TMEM177: variants seen among roughly 807,000 people sequenced by gnomAD.
TMEM177 encodes the protein transmembrane protein 177.
A neutral mutation model predicts 14.2 loss-of-function variants in TMEM177; 4 were observed. That is an observed-to-expected ratio of 0.28 (90% CI 0.14 to 0.64). TMEM177 has a LOEUF of 0.64. Ranked by LOEUF, TMEM177 falls within the 30% of genes least tolerant of loss-of-function variation. The pLI is 0.82. For synonymous variants in TMEM177, 179 were observed against 174.5 expected, an observed-to-expected ratio of 1.03 and a Z score of -0.20; for missense variants, 344 against 405.2, an observed-to-expected ratio of 0.85 and a Z score of 1.30.
At chr2:119,699,204 C>A in the TMEM177 span, 1 of 154,088 alleles carries the variant, frequency 6.5e-6, no homozygotes, top group South Asian at 1.8e-4. Flanking sequence ...CTGGGGAAGC[C>A]GCAGGAAACT....
At chr2:119,689,546 A>G (rs1214152007), downstream of TMEM177, among the ~76,000 whole-genome samples, 2 of 152,246 alleles carry the variant, frequency 1.3e-5, no homozygotes. Flanking sequence ...AGAACTCATA[A>G]AATTTCCACA....
chr2:119,695,200 C>T, the TMEM177 span, among the ~76,000 whole-genome samples: 7 of 152,178 alleles, frequency 4.6e-5, no homozygotes, highest in South Asian at 6.2e-4. Flanking sequence ...AGGTGACAGC[C>T]CCGGAATGTG....
At chr2:119,716,364 T>C in the TMEM177 span, among the ~76,000 whole-genome samples, 1 of 152,212 alleles carries the variant, frequency 6.6e-6, no homozygotes, top group East Asian at 1.9e-4. Context: ...TTCTCCAGCC[T>C]CTGCAGTGAA....
the TMEM177 span, among the ~76,000 whole-genome samples, chr2:119,707,181 G>A: frequency 1.5e-4 from 23 of 152,236 alleles, no homozygotes; most frequent in Admixed American, 1.3e-3. Context: ...GAGCCACTGC[G>A]CCCGGCCTGA....
chr2:119,705,595 C>G, the TMEM177 span, among the ~76,000 whole-genome samples: 3 of 149,948 alleles, frequency 2.0e-5, no homozygotes, highest in Non-Finnish European at 2.9e-5. Context: ...ACGAGTTACT[C>G]TCTCCCTTCA....
chr2:119,705,316 C>T, the TMEM177 span, among the ~76,000 whole-genome samples: 12 of 152,160 alleles, frequency 7.9e-5, no homozygotes, highest in Admixed American at 6.5e-4. Flanking sequence ...ATCAAAGGAT[C>T]AGCTGGGCTG....
chr2:119,685,151 A>G (rs1308917137), downstream of TMEM177, among the ~76,000 whole-genome samples: 3 of 151,276 alleles, frequency 2.0e-5, no homozygotes, highest in African/African-American at 7.3e-5. Context: ...CCAAAAACAG[A>G]CCCAGGACTT....
the TMEM177 span, among the ~76,000 whole-genome samples, chr2:119,691,646 A>C: frequency 6.6e-6 from 1 of 152,166 alleles, no homozygotes; most frequent in African/African-American, 2.4e-5. Context: ...CTGTTCAGGA[A>C]GTGTTTGCTG....
At chr2:119,695,811 G>A in the TMEM177 span, among the ~76,000 whole-genome samples, 1 of 152,238 alleles carries the variant, frequency 6.6e-6, no homozygotes, top group African/African-American at 2.4e-5. Context: ...CAGAGTTGAT[G>A]TGGTGTATAG....
At chr2:119,679,420 A>G (rs1558686936) in intron 1 of TMEM177, 144 bp downstream of exon 1, 1 of 151,984 alleles carries the variant, frequency 6.6e-6, no homozygotes, top group Non-Finnish European at 1.5e-5. Flanking sequence ...CCGCAGCGCG[A>G]TGGCCCTAGG....
At position 119,681,527 on chromosome 2, in the gene TMEM177, A is replaced by G. The variant is rs373536612; in HGVS notation, c.674A>G (p.His225Arg). The G allele has an allele frequency of 9.3e-5, 150 of 1,613,950 alleles. No homozygotes were observed. Among genetic ancestry groups the G allele is most frequent in the Non-Finnish European group, 1.2e-4 (141 of 1,180,048 alleles). ...AYAFSQDSLT[H>R]AVESWLDRRT... The stretch of plus-strand genomic sequence containing the variant: ...GCCTTCTCCCAGGATTCTCTCACTC[A>G]TGCCGTGGAGTCCTGGCTGGACCGC... Residue 225 changes from histidine (H) to arginine (R), a missense_variant, in exon 2 of 2, where the codon CAT becomes CGT. Coordinates refer to ENST00000272521, the MANE Select transcript of TMEM177 (RefSeq NM_030577.3).
chr2:119,681,301 C>G lies in TMEM177; in HGVS notation c.448C>G (p.Gln150Glu). 1 of 1,614,254 alleles carries G rather than the reference C, an allele frequency of 6.2e-7. No homozygotes were observed. Among genetic ancestry groups the G allele is most frequent in the Non-Finnish European group, 8.5e-7 (1 of 1,180,044 alleles). ...TTCCCTGACCTTGTCCCGTGAAGCC[C>G]AGAAGTTCGCCTTGGCCAGGGAAGT... is the stretch of plus-strand genomic sequence containing the variant. ...RASLTLSREA[Q>E]KFALAREVVY... Residue 150 changes from glutamine to glutamate, a missense_variant, in exon 2 of 2, where the codon CAG becomes GAG. Physicochemically the swap from Gln to Glu is conservative, Grantham distance 29 (BLOSUM62 2). Coordinates refer to ENST00000272521, the MANE Select transcript of TMEM177 (RefSeq NM_030577.3).
downstream of TMEM177, among the ~76,000 whole-genome samples, chr2:119,686,827 C>G (rs192689673): frequency 6.6e-6 from 1 of 152,214 alleles, no homozygotes; most frequent in Admixed American, 6.5e-5. Flanking sequence ...CTCAGCCTCC[C>G]AAAGTGCTGG....
At position 119,681,392 on chromosome 2, in the gene TMEM177, C is replaced by A. The variant is rs1688897666; in HGVS notation, c.539C>A (p.Thr180Asn). 1 of 1,613,618 alleles carries A rather than the reference C, an allele frequency of 6.2e-7. No homozygotes were observed. The highest frequency in any genetic ancestry group is 1.3e-5 in the African/African-American group (1 of 74,952). Reference sequence around the variant, plus strand: ...CTGGCCCCAGCTTGCCTGGCAGGGACCTGGGCACTGGGCGTGGGTGCCAAG... The same window carrying A: ...CTGGCCCCAGCTTGCCTGGCAGGGAACTGGGCACTGGGCGTGGGTGCCAAG... ...ALLAPACLAG[T>N]WALGVGAKYT... Residue 180 changes from threonine to asparagine, a missense_variant, in exon 2 of 2, where the codon ACC becomes AAC. Transcript: ENST00000272521.
At chr2:119,679,323 C>T (rs560487847) in intron 1 of TMEM177, 47 bp downstream of exon 1, 23 of 152,310 alleles carry the variant, frequency 1.5e-4, no homozygotes, top group African/African-American at 5.3e-4. Context: ...AGAGTGGAAG[C>T]GTAGCGAGGA....
chr2:119,723,577 C>T, the TMEM177 span, among the ~76,000 whole-genome samples: 1 of 152,210 alleles, frequency 6.6e-6, no homozygotes, highest in African/African-American at 2.4e-5. Flanking sequence ...CAGCACACAT[C>T]TTTTTGCTTA....
the TMEM177 span, among the ~76,000 whole-genome samples, chr2:119,715,025 C>T: frequency 5.7e-3 from 861 of 152,264 alleles, 6 homozygotes; most frequent in African/African-American, 0.019. Context: ...GGCACTTGAG[C>T]TCCCATTGTC....
chr2:119,721,965 A>G, the TMEM177 span, among the ~76,000 whole-genome samples: 1 of 152,322 alleles, frequency 6.6e-6, no homozygotes, highest in South Asian at 2.1e-4. Flanking sequence ...GATTATTGTG[A>G]TTGGCTAATC....
chr2:119,694,003 C>CT, the TMEM177 span, among the ~76,000 whole-genome samples: 2,090 of 18,866 alleles, frequency 0.11, 29 homozygotes, highest in Non-Finnish European at 0.16. Context: ...ACACCACATA[C>CT]GCATACACAT....
Sources: allele counts gnomAD v4.1 joint callset (sites outside exome capture counted in the v4.1 genomes callset), GRCh38; gene constraint gnomAD v4.1.1; transcripts MANE v1.5; gene names NCBI Gene and HGNC (gene_info 2026-07-23, HGNC 2026-07-21).